ZNF106: variants seen among roughly 807,000 people sequenced by gnomAD.
ZNF106 encodes zinc finger protein 106.
ZNF106 carries 67 observed loss-of-function variants against 195.1 expected under a neutral mutation model. That is an observed-to-expected ratio of 0.34 (90% CI 0.28 to 0.42). ZNF106 has a LOEUF of 0.42. ZNF106 is among the 10% of genes least tolerant of loss of function. The pLI is 1.00. For missense variants in ZNF106, 2,118 were observed against 2,304.5 expected (o/e 0.92, Z 1.66); for synonymous variants, 784 against 818.6 (o/e 0.96, Z 0.72).
At chr15:42,448,831 A>G in intron 5 of ZNF106, 126 bp from the exon 6 acceptor site, 1 of 875,338 alleles carries the variant, frequency 1.1e-6, no homozygotes, top group Non-Finnish European at 1.7e-6. Flanking sequence ...CTTGCCTTCA[A>G]GGGGCTCACA....
intron 3 of ZNF106, among the ~76,000 whole-genome samples, chr15:42,464,489 A>G (rs1437857312): frequency 2.0e-5 from 3 of 151,796 alleles, no homozygotes; most frequent in Non-Finnish European, 2.9e-5. Flanking sequence ...ATAAATCACA[A>G]ATAGACCAAA....
At position 42,439,515 on chromosome 15, in the gene ZNF106, GTCAGCT is replaced by G. The variant is rs1157741233; in HGVS notation, c.4056_4061del (p.Ala1353_Asp1354del). 2.5e-6 allele frequency: 4 copies of G among 1,614,196 alleles called. No individual in the cohort carries two copies. The highest frequency in any genetic ancestry group is 3.4e-6 in the Non-Finnish European group (4 of 1,180,048). On this transcript the variant is annotated inframe_deletion, in exon 11 of 22. Transcript: ENST00000564754. The stretch of plus-strand genomic sequence containing the variant: ...TGGATTCTGCCTGTTGTTCAGGCTG[GTCAGCT>G]GGAGAGTGGGGTTCCTTCTCCAAAG...
chr15:42,451,310 G>A lies in ZNF106; in HGVS notation c.962C>T (p.Ser321Phe), dbSNP rs1029549309. 1.2e-6 allele frequency: 2 copies of A among 1,614,114 alleles called. No homozygotes were observed. The highest frequency in any genetic ancestry group is 1.7e-6 in the Non-Finnish European group (2 of 1,179,988). Reference sequence around the variant, plus strand: ...AAATTTATCACTTGTAAATCCTTCAGAAGGACCTCTATATGTGGCAACTGT... The same window carrying A: ...AAATTTATCACTTGTAAATCCTTCAAAAGGACCTCTATATGTGGCAACTGT... ...LGTVATYRGPSEGFTSDKFPS... is the reference protein window; with the variant it reads ...LGTVATYRGPFEGFTSDKFPS... The change falls in exon 5 of 22, where the codon TCT becomes TTT. Residue 321 changes from serine (S) to phenylalanine (F), a missense_variant. Coordinates refer to ENST00000564754, the MANE Select transcript of ZNF106 (RefSeq NM_001366845.3).
intron 10 of ZNF106, among the ~76,000 whole-genome samples, chr15:42,441,310 T>A (rs914007400): frequency 6.6e-6 from 1 of 151,596 alleles, no homozygotes; most frequent in Non-Finnish European, 1.5e-5. Flanking sequence ...GCCACCATAC[T>A]CCAGCCTGAG....
At chr15:42,438,874 ATC>A (rs771825188) in intron 11 of ZNF106, among the ~76,000 whole-genome samples, 157 bp downstream of exon 11, 26 of 152,324 alleles carry the variant, frequency 1.7e-4, no homozygotes, top group Non-Finnish European at 3.1e-4. Context: ...AAAGCAGAAA[ATC>A]TCTACTGCTG....
At chr15:42,468,905 G>A (rs190923349) in intron 2 of ZNF106, among the ~76,000 whole-genome samples, 272 of 152,084 alleles carry the variant, frequency 1.8e-3, no homozygotes, top group African/African-American at 6.1e-3. Context: ...ACACATCTTC[G>A]GTGGGGCACG....
At chr15:42,454,738 A>T (rs117230763) in intron 4 of ZNF106, among the ~76,000 whole-genome samples, 2,453 of 151,754 alleles carry the variant, frequency 0.016, 41 homozygotes, top group African/African-American at 0.041. Context: ...AAAAATAAAA[A>T]AAAAAAAATT....
intron 1 of ZNF106, among the ~76,000 whole-genome samples, chr15:42,475,303 A>G (rs908215795): frequency 3.3e-5 from 5 of 152,118 alleles, no homozygotes; most frequent in African/African-American, 4.8e-5. Context: ...TTAGCTGGGT[A>G]TGGTGGCACG....
chr15:42,445,088 C>G, intron 7 of ZNF106, 107 bp from the exon 8 acceptor site: 1 of 1,307,668 alleles, frequency 7.6e-7, no homozygotes. Flanking sequence ...ACTTTATGTT[C>G]TCCTCAGTAG....
At chr15:42,430,050 TACAA>T (rs1459265004) in intron 14 of ZNF106, among the ~76,000 whole-genome samples, 1 of 152,058 alleles carries the variant, frequency 6.6e-6, no homozygotes, top group African/African-American at 2.4e-5. Context: ...GTGGTAGTTA[TACAA>T]ACAAATATCT....
At chr15:42,452,703 TGA>T (rs1421307198) in intron 4 of ZNF106, among the ~76,000 whole-genome samples, 15 of 132,210 alleles carry the variant, frequency 1.1e-4, no homozygotes, top group Non-Finnish European at 1.7e-4. Flanking sequence ...TTTTTTTTTT[TGA>T]GACAGAGTCT....
intron 14 of ZNF106, among the ~76,000 whole-genome samples, chr15:42,431,581 T>G (rs1024313365): frequency 6.6e-6 from 1 of 151,992 alleles, no homozygotes; most frequent in African/African-American, 2.4e-5. Flanking sequence ...TTTTTATTTT[T>G]GTTTATTTAT....
rs985505680 is a variant in ZNF106 at position 42,489,897 on chromosome 15, G to T, written c.-33+1083C>A. ...CTAAAAATACAAAAATTAGCCGGGC[G>T]TGGTGGTGGTGCACGCCTGCAATCC... On this transcript the variant is annotated intron_variant, in intron 1 of 21. Transcript: ENST00000564754. Among the ~76,000 whole-genome samples the T allele has an allele frequency of 6.6e-5, 10 of 152,144 alleles. 1 individual carries two copies. Among genetic ancestry groups the T allele is most frequent in the Middle Eastern group, 6.8e-3 (2 of 294 alleles).
intron 16 of ZNF106, 188 bp from the exon 17 acceptor site, chr15:42,424,248 A>G (rs1595434750): frequency 1.8e-6 from 1 of 564,026 alleles, no homozygotes; most frequent in Non-Finnish European, 3.2e-6. Flanking sequence ...CATGCTAATG[A>G]ACTGACAATG....
intron 1 of ZNF106, among the ~76,000 whole-genome samples, chr15:42,481,361 T>G (rs1248324683): frequency 4.6e-4 from 64 of 140,222 alleles, no homozygotes; most frequent in Non-Finnish European, 4.1e-4. Flanking sequence ...TTTGTTGTTT[T>G]TTTTTTTTTT....
chr15:42,484,009 AG>A, intron 1 of ZNF106, among the ~76,000 whole-genome samples: 1 of 152,282 alleles, frequency 6.6e-6, no homozygotes. Flanking sequence ...GCTATTTCTG[AG>A]GCACACTGTA....
intron 17 of ZNF106, among the ~76,000 whole-genome samples, chr15:42,423,350 A>G (rs887444024): frequency 5.9e-5 from 9 of 151,432 alleles, no homozygotes; most frequent in Non-Finnish European, 1.2e-4. Flanking sequence ...AGCCTGGGGG[A>G]CAAAGTGAGA....
chr15:42,427,960 A>T, intron 15 of ZNF106, 58 bp downstream of exon 15: 1 of 1,430,558 alleles, frequency 7.0e-7, no homozygotes, highest in Non-Finnish European at 9.8e-7. Context: ...CTTCCCACAC[A>T]TGCTCACACT....
chr15:42,476,501 C>T (rs1449714819), intron 1 of ZNF106, among the ~76,000 whole-genome samples: 1 of 152,152 alleles, frequency 6.6e-6, no homozygotes, highest in African/African-American at 2.4e-5. Flanking sequence ...CACTGGTTTT[C>T]ACCATGTTGG....
Sources: gnomAD v4.1 joint callset for allele counts (sites outside exome capture counted in the v4.1 genomes callset) on GRCh38, gnomAD v4.1.1 for gene constraint, MANE v1.5 for transcripts, NCBI Gene and HGNC (gene_info 2026-07-23, HGNC 2026-07-21) for gene names.